The following KPNA4 variants were observed in gnomAD, a reference collection of about 807,000 sequenced individuals.
KPNA4 encodes the protein importin subunit alpha-3.
Under a neutral mutation model 71.3 loss-of-function variants are expected in KPNA4, and 13 were observed. The ratio of observed to expected loss-of-function variants is 0.18; its 90% CI spans 0.12 to 0.29. The LOEUF (loss-of-function observed/expected upper bound fraction) is 0.29. Among genes scored for constraint, KPNA4 ranks in the 10% least tolerant of loss-of-function variants. The pLI is 1.00. For missense variants in KPNA4, 334 were observed against 603.2 expected, an observed-to-expected ratio of 0.55 and a Z score of 4.67; for synonymous variants, 189 against 195.2, an observed-to-expected ratio of 0.97 and a Z score of 0.26.
intron 1 of KPNA4, among the ~76,000 whole-genome samples, chr3:160,563,907 T>C (rs1246851500): frequency 6.6e-6 from 1 of 152,084 alleles, no homozygotes; most frequent in African/African-American, 2.4e-5. Context: ...CCTCAAATTA[T>C]GAAACCCACT....
At chr3:160,514,962 G>A (rs779704080) in intron 12 of KPNA4, 2 of 519,124 alleles carry the variant, frequency 3.9e-6, no homozygotes, top group Admixed American at 3.9e-5. Flanking sequence ...TAGGGTGCCA[G>A]GCTAGTTAGG....
intron 15 of KPNA4, among the ~76,000 whole-genome samples, chr3:160,506,579 A>C (rs894588602): frequency 2.0e-5 from 3 of 152,142 alleles, no homozygotes; most frequent in Admixed American, 6.5e-5. Flanking sequence ...TGAATCACCA[A>C]TGGCCTGCCA....
chr3:160,559,814 G>A (rs1722207567), intron 1 of KPNA4, among the ~76,000 whole-genome samples: 1 of 152,078 alleles, frequency 6.6e-6, no homozygotes. Flanking sequence ...GAATTCAGCT[G>A]TCTTAAGCCA....
intron 11 of KPNA4, among the ~76,000 whole-genome samples, chr3:160,519,953 T>C (rs1027907335): frequency 6.6e-6 from 1 of 152,164 alleles, no homozygotes; most frequent in Non-Finnish European, 1.5e-5. Context: ...TTTTATTTTA[T>C]GAAATTATGG....
At chr3:160,524,473 C>T (rs1721422216) in intron 10 of KPNA4, among the ~76,000 whole-genome samples, 1 of 151,978 alleles carries the variant, frequency 6.6e-6, no homozygotes, top group African/African-American at 2.4e-5. Flanking sequence ...CACTGAGTAG[C>T]TGAGACTACA....
At chr3:160,527,831 G>T in intron 8 of KPNA4, 122 bp downstream of exon 8, 1 of 598,184 alleles carries the variant, frequency 1.7e-6, no homozygotes. Flanking sequence ...ATTTCTGTAA[G>T]CTATTTCACA....
chr3:160,550,784 C>T (rs181643430), intron 1 of KPNA4, among the ~76,000 whole-genome samples: 1 of 152,226 alleles, frequency 6.6e-6, no homozygotes, highest in East Asian at 1.9e-4. Flanking sequence ...CATTTTTGTC[C>T]TTCAGTCAGT....
intron 1 of KPNA4, among the ~76,000 whole-genome samples, chr3:160,538,435 A>C (rs1435468243): frequency 6.6e-6 from 1 of 152,198 alleles, no homozygotes; most frequent in Non-Finnish European, 1.5e-5. Context: ...TGAGTGAAGG[A>C]AACACTGCTT....
intron 1 of KPNA4, among the ~76,000 whole-genome samples, chr3:160,557,175 T>C (rs1308259216): frequency 6.6e-6 from 1 of 152,184 alleles, no homozygotes; most frequent in Non-Finnish European, 1.5e-5. Context: ...TTGCTTGTTT[T>C]TCTGGACCAG....
intron 1 of KPNA4, among the ~76,000 whole-genome samples, chr3:160,552,761 G>T (rs145850791): frequency 6.6e-6 from 1 of 152,324 alleles, no homozygotes; most frequent in East Asian, 1.9e-4. Flanking sequence ...CACAGACAGA[G>T]CAGCATGTGT....
chr3:160,522,256 T>C (rs1721363941), intron 10 of KPNA4, among the ~76,000 whole-genome samples: 2 of 152,210 alleles, frequency 1.3e-5, no homozygotes, highest in Non-Finnish European at 2.9e-5. Context: ...TTGTGGCTCA[T>C]GTATAAAGCT....
chr3:160,561,299 T>C (rs1019037627), intron 1 of KPNA4, among the ~76,000 whole-genome samples: 1 of 152,098 alleles, frequency 6.6e-6, no homozygotes, highest in African/African-American at 2.4e-5. Context: ...TTAAAAAACA[T>C]AAATTATATG....
At chr3:160,560,003 CTG>C (rs1303970062) in intron 1 of KPNA4, among the ~76,000 whole-genome samples, 29 of 152,118 alleles carry the variant, frequency 1.9e-4, no homozygotes, top group African/African-American at 6.8e-4. Flanking sequence ...AGAAAACAAA[CTG>C]TGTTTTCTAG....
At chr3:160,554,472 C>T (rs1722097084) in intron 1 of KPNA4, among the ~76,000 whole-genome samples, 1 of 152,152 alleles carries the variant, frequency 6.6e-6, no homozygotes, top group Non-Finnish European at 1.5e-5. Context: ...AATATTTGGT[C>T]TTCATCCCAT....
rs1721667885 is a variant in KPNA4 at position 160,535,393 on chromosome 3, TTTACTA to T, written c.287+114_287+119del. On this transcript the variant is annotated intron_variant, in intron 5 of 16. Transcript: ENST00000334256. ...AATAAATTTAGTTGATCTATTACTA[TTTACTA>T]TTGTTTGTCATCAAGTTAAATTTGA... 4 of 610,562 alleles carry T rather than the reference TTTACTA, an allele frequency of 6.6e-6. No individual in the cohort carries two copies. The Middle Eastern group carries it at 1.4e-3, about 208-fold the overall frequency. The allele number at this position is 610,562 out of a possible 1,614,324, so 37.8% of individuals were successfully genotyped here. A position where few individuals can be genotyped will look rare whatever the true frequency, so the allele number is the denominator to read the frequency against.
chr3:160,527,571 A>G (rs1209267737), intron 8 of KPNA4, among the ~76,000 whole-genome samples: 2 of 152,142 alleles, frequency 1.3e-5, no homozygotes, highest in Non-Finnish European at 2.9e-5. Context: ...TTATTGGTTT[A>G]AGTTTTGTCT....
chr3:160,529,325 A>C (rs1194291184), intron 7 of KPNA4, among the ~76,000 whole-genome samples: 1 of 152,150 alleles, frequency 6.6e-6, no homozygotes, highest in Non-Finnish European at 1.5e-5. Flanking sequence ...TTTAGAGAGC[A>C]TACATAACAG....
At chr3:160,547,300 C>A (rs1721933311) in intron 1 of KPNA4, among the ~76,000 whole-genome samples, 1 of 152,124 alleles carries the variant, frequency 6.6e-6, no homozygotes, top group Admixed American at 6.5e-5. Context: ...CAAATGCAAC[C>A]ATTTTCCTAA....
chr3:160,506,638 G>A (rs1720988914), intron 15 of KPNA4, among the ~76,000 whole-genome samples: 1 of 152,106 alleles, frequency 6.6e-6, no homozygotes, highest in Non-Finnish European at 1.5e-5. Flanking sequence ...CCTCCAGTGA[G>A]GTAGGCAATG....
Sources: gnomAD v4.1 joint callset for allele counts (sites outside exome capture counted in the v4.1 genomes callset) on GRCh38, gnomAD v4.1.1 for gene constraint, MANE v1.5 for transcripts, NCBI Gene and HGNC (gene_info 2026-07-23, HGNC 2026-07-21) for gene names.